Variants in GABRG3 observed in about 807,000 individuals in gnomAD.
GABRG3 encodes the protein gamma-aminobutyric acid receptor subunit gamma-3.
GABRG3 carries 25 observed loss-of-function variants against 48.8 expected under a neutral mutation model. The observed-to-expected ratio is 0.51, with a 90% CI of 0.37 to 0.72. The LOEUF (loss-of-function observed/expected upper bound fraction) is 0.72, where lower values mean the gene tolerates loss of function less well. Among genes scored for constraint, GABRG3 ranks in the 30% least tolerant of loss-of-function variants. The probability of loss-of-function intolerance (pLI) is 0.00; values close to 1 mark genes in which losing one functional copy is unlikely to be tolerated. For missense variants in GABRG3, 394 were observed against 577.9 expected, an observed-to-expected ratio of 0.68 and a Z score of 3.26; for synonymous variants, 227 against 217.6, an observed-to-expected ratio of 1.04 and a Z score of -0.38.
At chr15:27,502,647 C>A (rs1018742710) in intron 6 of GABRG3, among the ~76,000 whole-genome samples, 5 of 152,240 alleles carry the variant, frequency 3.3e-5, no homozygotes, top group African/African-American at 1.2e-4. Flanking sequence ...AAGTCTAGGT[C>A]TCCAGAGCTT....
At chr15:27,049,580 C>T (rs17647933) in intron 3 of GABRG3, among the ~76,000 whole-genome samples, 31,493 of 152,156 alleles carry the variant, frequency 0.21, 4,070 homozygotes, top group Middle Eastern at 0.35. Flanking sequence ...AAGGCAAACC[C>T]GGGCTCAAAT....
chr15:27,013,135 T>C (rs1056144730), intron 2 of GABRG3, among the ~76,000 whole-genome samples: 2 of 152,172 alleles, frequency 1.3e-5, no homozygotes, highest in Non-Finnish European at 2.9e-5. Flanking sequence ...CTAACTACTT[T>C]AAGATACTTC....
chr15:27,286,384 T>C (rs900195678), intron 3 of GABRG3, among the ~76,000 whole-genome samples: 3 of 152,210 alleles, frequency 2.0e-5, no homozygotes, highest in African/African-American at 2.4e-5. Flanking sequence ...TCTTCCACTT[T>C]CCACTTGGAA....
rs1353408084 is a variant in GABRG3 at position 27,525,193 on chromosome 15, G to A, written c.866-2240G>A. Reference sequence around the variant, plus strand: ...TTGTGCTGAATGAAAAAAAAACAAAGCCAATATCAAAATGTGTTATTTTAG... The same window carrying A: ...TTGTGCTGAATGAAAAAAAAACAAAACCAATATCAAAATGTGTTATTTTAG... On this transcript the variant is annotated intron_variant, in intron 7 of 9. Transcript: ENST00000615808. 2.0e-5 allele frequency among the ~76,000 whole-genome samples: 3 copies of A among 150,252 alleles called. No individual in the cohort carries two copies. The East Asian group carries it at 5.9e-4, about 29-fold the overall frequency.
At chr15:27,238,966 G>A (rs1890056871) in intron 3 of GABRG3, among the ~76,000 whole-genome samples, 1 of 152,198 alleles carries the variant, frequency 6.6e-6, no homozygotes, top group East Asian at 1.9e-4. Flanking sequence ...GCATGCGGAA[G>A]TGTCAACCTA....
At chr15:27,322,544 T>C (rs971538059) in intron 3 of GABRG3, among the ~76,000 whole-genome samples, 2 of 152,102 alleles carry the variant, frequency 1.3e-5, no homozygotes, top group African/African-American at 4.8e-5. Context: ...AGTGGAAAAT[T>C]AGTTTCAAGA....
At chr15:27,091,066 G>A (rs1044907746) in intron 3 of GABRG3, among the ~76,000 whole-genome samples, 7 of 152,128 alleles carry the variant, frequency 4.6e-5, no homozygotes, top group African/African-American at 1.7e-4. Context: ...TACTTGTCTC[G>A]TTCCTGTTCT....
chr15:27,259,359 G>T (rs543493776), intron 3 of GABRG3, among the ~76,000 whole-genome samples: 2 of 152,110 alleles, frequency 1.3e-5, no homozygotes, highest in Admixed American at 1.3e-4. Flanking sequence ...TTGTGCCATT[G>T]GGCTCCGTCC....
chr15:27,212,769 G>C (rs1158368363), intron 3 of GABRG3, among the ~76,000 whole-genome samples: 1 of 152,058 alleles, frequency 6.6e-6, no homozygotes, highest in South Asian at 2.1e-4. Flanking sequence ...TCTCCTTTCA[G>C]TCTCTATGAC....
intron 5 of GABRG3, among the ~76,000 whole-genome samples, chr15:27,446,650 CTG>C (rs1254199273): frequency 6.6e-6 from 1 of 151,928 alleles, no homozygotes; most frequent in Admixed American, 6.6e-5. Flanking sequence ...GCTATTGTAA[CTG>C]GAATTGTTTT....
At chr15:27,392,417 A>G (rs754981093) in intron 5 of GABRG3, among the ~76,000 whole-genome samples, 12 of 152,204 alleles carry the variant, frequency 7.9e-5, no homozygotes, top group Non-Finnish European at 1.8e-4. Context: ...TGGGAATTGT[A>G]CAATGTTTTT....
intron 3 of GABRG3, among the ~76,000 whole-genome samples, chr15:27,139,392 C>T (rs1412440214): frequency 1.3e-5 from 2 of 152,110 alleles, no homozygotes; most frequent in Non-Finnish European, 2.9e-5. Flanking sequence ...TTTCCTCTGC[C>T]TTTTTGTTCT....
At chr15:27,087,016 C>G (rs147165418) in intron 3 of GABRG3, among the ~76,000 whole-genome samples, 170 of 152,340 alleles carry the variant, frequency 1.1e-3, no homozygotes, top group African/African-American at 4.1e-3. Flanking sequence ...GTGCCCAAAT[C>G]ACATCTTTGA....
intron 3 of GABRG3, among the ~76,000 whole-genome samples, chr15:27,237,264 G>A (rs903717340): frequency 6.6e-6 from 1 of 152,222 alleles, no homozygotes; most frequent in African/African-American, 2.4e-5. Context: ...CAGTATGAGT[G>A]AAGACCTAGA....
chr15:27,319,763 G>C lies in GABRG3; in HGVS notation c.271-7046G>C, dbSNP rs555675811. 2.6e-5 allele frequency among the ~76,000 whole-genome samples: 4 copies of C among 152,152 alleles called. No individual in the cohort carries two copies. The highest frequency in any genetic ancestry group is 2.6e-4 in the Admixed American group (4 of 15,280). On this transcript the variant is annotated intron_variant, in intron 3 of 9. Transcript: ENST00000615808. This position sits in a 1 kb window ranked among gnomAD's most constrained non-coding sequence, Gnocchi z 4.4. Reference sequence around the variant, plus strand: ...AACGGGTTGGTTTGTAAGCAAGCACGATACACGGAGCCTTGAGTATCATGC... The same window carrying C: ...AACGGGTTGGTTTGTAAGCAAGCACCATACACGGAGCCTTGAGTATCATGC...
chr15:27,271,944 C>A (rs762872484), intron 3 of GABRG3, among the ~76,000 whole-genome samples: 5 of 152,184 alleles, frequency 3.3e-5, no homozygotes, highest in Non-Finnish European at 5.9e-5. Flanking sequence ...TTCTAGTTAA[C>A]CAGTTTCCCC....
intron 3 of GABRG3, among the ~76,000 whole-genome samples, chr15:27,032,757 G>A (rs1196683483): frequency 6.6e-6 from 1 of 152,154 alleles, no homozygotes; most frequent in Admixed American, 6.5e-5. Flanking sequence ...ATGAGATTTG[G>A]AGGGGATGAA....
At chr15:27,032,792 A>G (rs1408890226) in intron 3 of GABRG3, among the ~76,000 whole-genome samples, 1 of 152,064 alleles carries the variant, frequency 6.6e-6, no homozygotes, top group Non-Finnish European at 1.5e-5. Context: ...TCACCTGGCA[A>G]TTTTCATTGT....
intron 3 of GABRG3, among the ~76,000 whole-genome samples, chr15:27,212,465 G>A (rs1417432894): frequency 1.3e-5 from 2 of 152,168 alleles, no homozygotes; most frequent in African/African-American, 4.8e-5. Context: ...TAGTTATGGG[G>A]TAAGTTTCTT....
Sources: gnomAD v4.1 joint callset for allele counts (sites outside exome capture counted in the v4.1 genomes callset) on GRCh38, gnomAD v4.1.1 for gene constraint, Gnocchi (gnomAD v3.1) non-coding constraint, MANE v1.5 for transcripts, NCBI Gene and HGNC (gene_info 2026-07-23, HGNC 2026-07-21) for gene names.